Variants in GLRA2 observed in about 807,000 individuals in gnomAD.
GLRA2 encodes the protein glycine receptor subunit alpha-2.
A neutral mutation model predicts 31.6 loss-of-function variants in GLRA2; 11 were observed. The observed-to-expected ratio is 0.35, with a 90% CI of 0.22 to 0.58. The LOEUF is 0.58. Ranked by LOEUF, GLRA2 falls within the 20% of genes least tolerant of loss-of-function variation. The pLI is 0.84. For missense variants in GLRA2, 212 were observed against 351.8 expected (o/e 0.60, Z 3.18); for synonymous variants, 132 against 134.0 (o/e 0.99, Z 0.10).
intron 7 of GLRA2, among the ~76,000 whole-genome samples, chrX:14,688,845 G>A (rs773212434): frequency 3.1e-4 from 34 of 111,337 alleles, no homozygotes; most frequent in African/African-American, 9.1e-4. Context: ...TGAGATGAAC[G>A]TGGTACCTCA....
At chrX:14,471,286 A>T in the GLRA2 span, among the ~76,000 whole-genome samples, 1 of 112,015 alleles carries the variant, frequency 8.9e-6, no homozygotes. Flanking sequence ...AGAAAACCAT[A>T]ACAGTGCTGA....
At chrX:14,582,027 TC>T (rs2090022384) in intron 4 of GLRA2, among the ~76,000 whole-genome samples, 1 of 106,376 alleles carries the variant, frequency 9.4e-6, no homozygotes, top group South Asian at 4.2e-4. Context: ...CAAAATAATC[TC>T]CCCCTTTTCT....
chrX:14,460,702 A>T, the GLRA2 span, among the ~76,000 whole-genome samples: 1 of 111,647 alleles, frequency 9.0e-6, no homozygotes, highest in Non-Finnish European at 1.9e-5. Context: ...ATCAGTGGTG[A>T]TATCCCCTTT....
the GLRA2 span, among the ~76,000 whole-genome samples, chrX:14,512,492 C>T: frequency 1.4e-3 from 153 of 111,692 alleles, no homozygotes; most frequent in African/African-American, 4.9e-3. Flanking sequence ...TCACTGTTTG[C>T]TGATGATATG....
At chrX:14,467,798 C>T in the GLRA2 span, among the ~76,000 whole-genome samples, 100 of 110,622 alleles carry the variant, frequency 9.0e-4, no homozygotes, top group African/African-American at 3.1e-3. Context: ...AAAAAAACCT[C>T]CTGAAGTGTG....
chrX:14,577,732 A>G (rs2089972539), intron 3 of GLRA2, among the ~76,000 whole-genome samples: 2 of 111,429 alleles, frequency 1.8e-5, no homozygotes, highest in African/African-American at 6.5e-5. Context: ...CTACCCTCCA[A>G]TACTATCACA....
chrX:14,701,744 A>G lies in GLRA2; in HGVS notation c.1080+10885A>G, dbSNP rs768809566. Among the ~76,000 whole-genome samples, 3 of 112,950 alleles carry G rather than the reference A, an allele frequency of 2.7e-5. No homozygotes were observed. The East Asian group carries it at 8.3e-4, about 31-fold the overall frequency. The stretch of plus-strand genomic sequence containing the variant: ...TAGCTTTTAATTTCAATGATTCTTT[A>G]TATTTCTATAGTTACCAAATTTAGT... On this transcript the variant is annotated intron_variant, in intron 8 of 8. Coordinates refer to ENST00000218075, the MANE Select transcript of GLRA2 (RefSeq NM_002063.4).
At chrX:14,580,080 T>C (rs1223532698) in intron 3 of GLRA2, among the ~76,000 whole-genome samples, 1 of 111,502 alleles carries the variant, frequency 9.0e-6, no homozygotes, top group Non-Finnish European at 1.9e-5. Context: ...ACTATCCCAA[T>C]TTGCCTAAAC....
At chrX:14,670,601 C>G (rs1460889153) in intron 7 of GLRA2, among the ~76,000 whole-genome samples, 1 of 111,133 alleles carries the variant, frequency 9.0e-6, no homozygotes, top group African/African-American at 3.3e-5. Flanking sequence ...CAGAGAAACT[C>G]TCATTTTTAA....
chrX:14,507,689 C>CTTCTTTTT, the GLRA2 span, among the ~76,000 whole-genome samples: 1 of 46,638 alleles, frequency 2.1e-5, no homozygotes, highest in African/African-American at 9.1e-5. Flanking sequence ...GAAAGACATT[C>CTTCTTTTT]TTTTTTTTTT....
chrX:14,510,719 T>C, the GLRA2 span, among the ~76,000 whole-genome samples: 5 of 111,590 alleles, frequency 4.5e-5, no homozygotes, highest in Non-Finnish European at 9.4e-5. Context: ...TCAGATTGTT[T>C]TTGATATCCT....
intron 2 of GLRA2, among the ~76,000 whole-genome samples, chrX:14,574,101 A>G (rs776775416): frequency 8.9e-6 from 1 of 112,333 alleles, no homozygotes; most frequent in African/African-American, 3.2e-5. Flanking sequence ...AATAGTTTTC[A>G]GCTTATATTT....
chrX:14,558,472 G>A (rs1456665741), intron 2 of GLRA2, among the ~76,000 whole-genome samples: 1 of 111,852 alleles, frequency 8.9e-6, no homozygotes, highest in Non-Finnish European at 1.9e-5. Flanking sequence ...TCTTTAAGTA[G>A]TATGACCCAA....
chrX:14,467,317 C>T, the GLRA2 span, among the ~76,000 whole-genome samples: 3 of 111,849 alleles, frequency 2.7e-5, no homozygotes, highest in East Asian at 2.8e-4. Context: ...CCACAGGGAT[C>T]GTGTTAAAAT....
chrX:14,700,196 G>C (rs1181856981), intron 8 of GLRA2, among the ~76,000 whole-genome samples: 4 of 111,694 alleles, frequency 3.6e-5, no homozygotes, highest in African/African-American at 1.3e-4. Flanking sequence ...GGACAGACAT[G>C]CTGAGAAGTC....
intron 8 of GLRA2, among the ~76,000 whole-genome samples, chrX:14,722,366 T>C (rs2091877154): frequency 9.0e-6 from 1 of 111,104 alleles, no homozygotes; most frequent in Admixed American, 9.6e-5. Context: ...CATGGTGGTC[T>C]CAGGGCAGTC....
chrX:14,639,415 G>T (rs1156910526), intron 7 of GLRA2, among the ~76,000 whole-genome samples: 1 of 112,114 alleles, frequency 8.9e-6, no homozygotes, highest in Non-Finnish European at 1.9e-5. Context: ...ATTTCCCAAT[G>T]GAGGAAATCC....
At chrX:14,482,876 A>G in the GLRA2 span, among the ~76,000 whole-genome samples, 1 of 110,776 alleles carries the variant, frequency 9.0e-6, no homozygotes, top group East Asian at 2.8e-4. Flanking sequence ...TGTAAGTTAG[A>G]TATTATTATT....
chrX:14,713,554 A>G (rs1229795231), intron 8 of GLRA2, among the ~76,000 whole-genome samples: 1 of 112,391 alleles, frequency 8.9e-6, no homozygotes, highest in Non-Finnish European at 1.9e-5. Flanking sequence ...ACAGAAAGCC[A>G]AACAACTATT....
Sources: allele counts gnomAD v4.1 joint callset (sites outside exome capture counted in the v4.1 genomes callset), GRCh38; gene constraint gnomAD v4.1.1; transcripts MANE v1.5; gene names NCBI Gene and HGNC (gene_info 2026-07-23, HGNC 2026-07-21).